TTLL1: variants seen among roughly 807,000 people sequenced by gnomAD.
The protein encoded by TTLL1 is polyglutamylase complex subunit TTLL1.
Under a neutral mutation model 47.8 loss-of-function variants are expected in TTLL1, and 33 were observed. That is an observed-to-expected ratio of 0.69 (90% CI 0.52 to 0.92). The LOEUF is 0.92. TTLL1 is among the 40% of genes least tolerant of loss of function. The pLI is 0.00. For synonymous variants in TTLL1, 225 were observed against 214.1 expected, an observed-to-expected ratio of 1.05 and a Z score of -0.45; for missense variants, 488 against 547.5, an observed-to-expected ratio of 0.89 and a Z score of 1.08.
chr22:43,046,401 C>G lies in TTLL1; in HGVS notation c.1142+9G>C, dbSNP rs755593979. 2 of 1,613,986 alleles carry G rather than the reference C, an allele frequency of 1.2e-6. No individual in the cohort carries two copies. Among genetic ancestry groups the G allele is most frequent in the Admixed American group, 3.3e-5 (2 of 59,978 alleles). ...AGAAGGACAAGCGCACAGTCACACA[C>G]ACACTTACAGAATCTCGTAATTGCC... On this transcript the variant is annotated intron_variant, in intron 10 of 10. Coordinates refer to ENST00000266254, the MANE Select transcript of TTLL1 (RefSeq NM_012263.5).
At chr22:43,076,884 G>A (rs568904449) in intron 2 of TTLL1, among the ~76,000 whole-genome samples, 5 of 151,944 alleles carry the variant, frequency 3.3e-5, no homozygotes, top group African/African-American at 9.7e-5. Flanking sequence ...GGTGGATCAC[G>A]AGGTCAGGAG....
At chr22:43,076,544 G>C (rs1422715520) in intron 2 of TTLL1, among the ~76,000 whole-genome samples, 1 of 152,088 alleles carries the variant, frequency 6.6e-6, no homozygotes, top group African/African-American at 2.4e-5. Context: ...GAGGTCAGGA[G>C]ATTGAGACCA....
At chr22:43,041,277 T>C (rs965355697) in intron 10 of TTLL1, 4 of 152,214 alleles carry the variant, frequency 2.6e-5, no homozygotes, top group Admixed American at 2.0e-4. Context: ...GCGCTGGCCA[T>C]CCTGACTAGG....
At position 43,056,307 on chromosome 22, in the gene TTLL1, C is replaced by T. The variant is rs181995856; in HGVS notation, c.891+3077G>A. Among the ~76,000 whole-genome samples the T allele has an allele frequency of 5.7e-3, 838 of 148,020 alleles. 4 individuals are homozygous for T. The highest frequency in any genetic ancestry group is 9.2e-3 in the Non-Finnish European group (619 of 67,206). On this transcript the variant is annotated intron_variant, in intron 8 of 10. Coordinates refer to ENST00000266254, the MANE Select transcript of TTLL1 (RefSeq NM_012263.5). The stretch of plus-strand genomic sequence containing the variant: ...CTGGGAGGCGGAGGTTGCAGTGAGC[C>T]GAGATCGCATCACTGCACTCCAGCC...
chr22:43,051,214 T>C (rs1330901458), intron 9 of TTLL1, among the ~76,000 whole-genome samples: 2 of 152,224 alleles, frequency 1.3e-5, no homozygotes, highest in Admixed American at 1.3e-4. Flanking sequence ...GGTTTGAAGC[T>C]GGGGCCTCTG....
intron 8 of TTLL1, among the ~76,000 whole-genome samples, chr22:43,053,759 C>T (rs545011132): frequency 6.6e-6 from 1 of 152,212 alleles, no homozygotes; most frequent in Non-Finnish European, 1.5e-5. Context: ...CCTCACAGAG[C>T]CTTAGAAATC....
At chr22:43,073,888 C>A (rs1928302949) in intron 3 of TTLL1, among the ~76,000 whole-genome samples, 1 of 151,078 alleles carries the variant, frequency 6.6e-6, no homozygotes. Flanking sequence ...GTGGCGCGAT[C>A]TCAGCTCACT....
chr22:43,048,728 C>T (rs1253719830), intron 9 of TTLL1, among the ~76,000 whole-genome samples: 1 of 151,020 alleles, frequency 6.6e-6, no homozygotes, highest in South Asian at 2.1e-4. Context: ...ACTTGAGGTC[C>T]GGGTTCAAGA....
chr22:43,044,830 C>A (rs1601651425), intron 10 of TTLL1, among the ~76,000 whole-genome samples: 2 of 152,038 alleles, frequency 1.3e-5, no homozygotes, highest in East Asian at 3.9e-4. Context: ...TCCCAGGCAA[C>A]CTCCCAGGCC....
rs567883997 is a variant in TTLL1, at chr22:43,055,588, C to A, written c.892-3701G>T. ...TCAAGCAATCTGCCCACCTTGACCTCCCAAAGGGCTGGGACAACAGGTGTG... is the reference window on the plus strand; with the variant it reads ...TCAAGCAATCTGCCCACCTTGACCTACCAAAGGGCTGGGACAACAGGTGTG... On this transcript the variant is annotated intron_variant, in intron 8 of 10. Transcript: ENST00000266254. 2.6e-5 allele frequency among the ~76,000 whole-genome samples: 4 copies of A among 152,164 alleles called. No individual in the cohort carries two copies. The South Asian group carries it at 8.3e-4, about 32-fold the overall frequency.
At chr22:43,086,692 C>G (rs1042868053) in intron 1 of TTLL1, among the ~76,000 whole-genome samples, 6 of 152,128 alleles carry the variant, frequency 3.9e-5, no homozygotes, top group African/African-American at 1.4e-4. Flanking sequence ...TTAATTTGAT[C>G]CAGCAGCAAA....
At chr22:43,088,993 T>C (rs1929434220) in intron 1 of TTLL1, among the ~76,000 whole-genome samples, 1 of 152,018 alleles carries the variant, frequency 6.6e-6, no homozygotes, top group African/African-American at 2.4e-5. Context: ...GGGAAACGTG[T>C]AGGAACAATG....
At position 43,068,424 on chromosome 22, in the gene TTLL1, G is replaced by A. The variant is rs1202416474; in HGVS notation, c.489C>T (p.Asp163=). The A allele has an allele frequency of 2.0e-6, 3 of 1,522,538 alleles. No individual in the cohort carries two copies. Among genetic ancestry groups the A allele is most frequent in the African/African-American group, 2.7e-5 (2 of 73,200 alleles). The allele number at this position is 1,522,538 out of a possible 1,614,324, so 94.3% of individuals were successfully genotyped here. ...CCCACACTTACGAAGATGTCTTGCT[G>A]TCCCGGGACCACTTTTTGATCTGTG... ...KLSQIKKWSR[D]SKTSSFVSQS... is the part of the protein sequence containing the mutation. The change falls in exon 5 of 11, where the codon GAC becomes GAT. Residue 163 remains aspartate (D), a synonymous_variant. Coordinates refer to ENST00000266254, the MANE Select transcript of TTLL1 (RefSeq NM_012263.5).
chr22:43,046,567 C>T lies in TTLL1; in HGVS notation c.985G>A (p.Ala329Thr). 4.3e-6 allele frequency: 7 copies of T among 1,613,948 alleles called. No individual in the cohort carries two copies. Among genetic ancestry groups the T allele is most frequent in the Non-Finnish European group, 5.9e-6 (7 of 1,179,858 alleles). ...GTGCTGGACGTGAGAGACGGGGACGCATTCACCTGTGAGATGAAAGACCCA... is the reference window on the plus strand; with the variant it reads ...GTGCTGGACGTGAGAGACGGGGACGTATTCACCTGTGAGATGAAAGACCCA... ...KLKPWLIEVN[A>T]SPSLTSSTAN... The change falls in exon 10 of 11, where the codon GCG becomes ACG. Residue 329 changes from alanine to threonine, a missense_variant. Ala to Thr is a moderately conservative substitution (Grantham distance 58, BLOSUM62 0). Transcript: ENST00000266254.
At chr22:43,045,376 T>G (rs1201102473) in intron 10 of TTLL1, among the ~76,000 whole-genome samples, 1 of 152,082 alleles carries the variant, frequency 6.6e-6, no homozygotes, top group Non-Finnish European at 1.5e-5. Flanking sequence ...ATTGATACTG[T>G]GTGTAAAGCA....
chr22:43,073,758 C>T (rs755243026), intron 3 of TTLL1, among the ~76,000 whole-genome samples: 5 of 152,166 alleles, frequency 3.3e-5, no homozygotes, highest in Middle Eastern at 3.4e-3. Context: ...TTACCCCAAC[C>T]AATTTTTCTG....
chr22:43,060,658 C>T (rs1927333898), intron 7 of TTLL1, among the ~76,000 whole-genome samples: 1 of 152,166 alleles, frequency 6.6e-6, no homozygotes, highest in Non-Finnish European at 1.5e-5. Context: ...GGGCCTCCAG[C>T]CCAAATGTTC....
intron 7 of TTLL1, among the ~76,000 whole-genome samples, chr22:43,061,877 G>A (rs1470814803): frequency 6.6e-6 from 1 of 152,208 alleles, no homozygotes; most frequent in Admixed American, 6.5e-5. Flanking sequence ...CTCGGCTCCA[G>A]CACCGCTTTG....
chr22:43,062,547 A>C (rs561592221), intron 7 of TTLL1, among the ~76,000 whole-genome samples: 3 of 150,500 alleles, frequency 2.0e-5, no homozygotes, highest in Admixed American at 6.6e-5. Flanking sequence ...GCATTATTTA[A>C]CGCCAGGCGC....
Sources: allele counts gnomAD v4.1 joint callset (sites outside exome capture counted in the v4.1 genomes callset), GRCh38; gene constraint gnomAD v4.1.1; transcripts MANE v1.5; gene names NCBI Gene and HGNC (gene_info 2026-07-23, HGNC 2026-07-21).